The following PPP4R3B variants were observed in gnomAD, a reference collection of about 807,000 sequenced individuals.
PPP4R3B encodes the protein serine/threonine-protein phosphatase 4 regulatory subunit 3B.
In PPP4R3B, 52 loss-of-function variants were observed where a neutral mutation model predicts 95.4. That is an observed-to-expected ratio of 0.54 (90% CI 0.44 to 0.69). The LOEUF (loss-of-function observed/expected upper bound fraction) is 0.69. Ranked by LOEUF, PPP4R3B falls within the 30% of genes least tolerant of loss-of-function variation. PPP4R3B has a pLI of 0.00. For missense variants in PPP4R3B, 1,003 were observed against 1,005.9 expected (o/e 1.00, Z 0.04); for synonymous variants, 407 against 343.9 (o/e 1.18, Z -2.03).
chr2:55,586,337 T>A (rs910785079), intron 6 of PPP4R3B, among the ~76,000 whole-genome samples: 4 of 152,198 alleles, frequency 2.6e-5, no homozygotes, highest in African/African-American at 9.6e-5. Flanking sequence ...AAAGATATTT[T>A]ACTGGCTTCT....
chr2:55,602,648 C>T (rs1692788550), intron 3 of PPP4R3B, among the ~76,000 whole-genome samples: 1 of 152,208 alleles, frequency 6.6e-6, no homozygotes, highest in African/African-American at 2.4e-5. Context: ...GTTGGCAATA[C>T]TGAATGTATG....
chr2:55,601,614 T>A (rs990475303), intron 3 of PPP4R3B, among the ~76,000 whole-genome samples: 1 of 152,106 alleles, frequency 6.6e-6, no homozygotes, highest in East Asian at 1.9e-4. Flanking sequence ...TTTCCTGACC[T>A]TGTGATCCTC....
At chr2:55,557,973 A>G (rs569321833) in intron 16 of PPP4R3B, among the ~76,000 whole-genome samples, 7 of 152,188 alleles carry the variant, frequency 4.6e-5, no homozygotes, top group Non-Finnish European at 1.0e-4. Context: ...ATATAATCCA[A>G]TTTGCAGAGA....
intron 4 of PPP4R3B, among the ~76,000 whole-genome samples, chr2:55,595,026 CTT>C (rs201263689): frequency 3.6e-4 from 49 of 134,454 alleles, no homozygotes; most frequent in African/African-American, 8.4e-4. Context: ...CCCTTTTAAA[CTT>C]TTTTTTTTTT....
chr2:55,587,597 A>G (rs1464041146), intron 5 of PPP4R3B, among the ~76,000 whole-genome samples: 2 of 152,214 alleles, frequency 1.3e-5, no homozygotes, highest in African/African-American at 4.8e-5. Context: ...AAGAAAAAAT[A>G]AAAAACGATG....
chr2:55,549,371 T>C lies in PPP4R3B; in HGVS notation c.*540A>G. 1 of 153,266 alleles carries C rather than the reference T, an allele frequency of 6.5e-6. No individual in the cohort carries two copies. Among genetic ancestry groups the C allele is most frequent in the Non-Finnish European group, 1.5e-5 (1 of 68,402 alleles). The allele number at this position is 153,266 out of a possible 1,614,324, so 9.5% of individuals were successfully genotyped here. On this transcript the variant is annotated 3_prime_UTR_variant, in exon 17 of 17. Transcript: ENST00000616407. ...ACTTCCCTTCAACTACCTAAAAGGC[T>C]GAACTTTTGTTAAATCTTAAAGAAA...
In PPP4R3B at chr2:55,586,648, C is replaced by A. The variant is rs1206289114; in HGVS notation, c.1086G>T (p.Leu362Phe). 1 of 1,607,630 alleles carries A rather than the reference C, an allele frequency of 6.2e-7. No individual in the cohort carries two copies. The highest frequency in any genetic ancestry group is 8.5e-7 in the Non-Finnish European group (1 of 1,176,812). ...RDAFFKTLAK[L>F]GILPALEIVM... ...CAATTTCAAGAGCAGGAAGAATTCC[C>A]AATTTTGCCAATGTTTTGAAAAATG... Residue 362 changes from leucine (L) to phenylalanine (F), a missense_variant, in exon 6 of 17, where the codon TTG becomes TTT. By Grantham distance (22) the Leu-to-Phe change is conservative. Coordinates refer to ENST00000616407, the MANE Select transcript of PPP4R3B (RefSeq NM_001122964.3).
chr2:55,599,560 A>C (rs1692266700), intron 3 of PPP4R3B, among the ~76,000 whole-genome samples: 1 of 152,244 alleles, frequency 6.6e-6, no homozygotes, highest in African/African-American at 2.4e-5. Context: ...AACAGCATTA[A>C]GGAGAAATCA....
At chr2:55,565,699 A>T (rs1687203402) in intron 13 of PPP4R3B, 1 of 210,268 alleles carries the variant, frequency 4.8e-6, no homozygotes. Context: ...TCAAAATGGG[A>T]TATGGTTGTG....
Position 55,604,047 on chromosome 2 carries a change from C to T in PPP4R3B, c.228G>A (p.Glu76=). The change falls in exon 3 of 17, where the codon GAG becomes GAA. Residue 76 remains glutamate, a synonymous_variant. Coordinates refer to ENST00000616407, the MANE Select transcript of PPP4R3B (RefSeq NM_001122964.3). ...QDTLIVWSEA[E]NYDLALSFQE... ...GAAAACTCAGAGCCAAATCATAGTT[C>T]TCTGCTTCTGACCAAACAATTAATG... The T allele has an allele frequency of 6.2e-7, 1 of 1,609,128 alleles. No individual in the cohort carries two copies.
intron 7 of PPP4R3B, 107 bp downstream of exon 7, chr2:55,584,944 T>C: frequency 2.3e-6 from 2 of 867,978 alleles, no homozygotes; most frequent in Non-Finnish European, 3.5e-6. Flanking sequence ...ATCTATTATT[T>C]TGCTCCCAAG....
Position 55,585,160 on chromosome 2 carries a change from T to A in PPP4R3B, c.1124A>T (p.Asp375Val). Residue 375 changes from aspartate (D) to valine (V), a missense_variant, in exon 7 of 17, where the codon GAT becomes GTT. By Grantham distance (152) the Asp-to-Val change is radical. This residue lies in a region of PPP4R3B where 695 missense variants were observed against 686.2 expected (regional missense o/e 1.01). Coordinates refer to ENST00000616407, the MANE Select transcript of PPP4R3B (RefSeq NM_001122964.3). ...LPALEIVMGM[D>V]DLQVRSAATD... ...AGCAGCTGATCTGACTTGCAAATCA[T>A]CCATGCCCTGATAAAAGGAAAATTA... 1 of 1,598,006 alleles carries A rather than the reference T, an allele frequency of 6.3e-7. No individual in the cohort carries two copies. The highest frequency in any genetic ancestry group is 8.5e-7 in the Non-Finnish European group (1 of 1,174,812).
intron 3 of PPP4R3B, 78 bp downstream of exon 3, chr2:55,603,900 T>A: frequency 1.0e-6 from 1 of 967,552 alleles, no homozygotes; most frequent in Non-Finnish European, 1.5e-6. Flanking sequence ...CACATCCTAA[T>A]ATGTTTGAAG....
chr2:55,548,749 C>G lies in PPP4R3B; in HGVS notation c.*1162G>C, dbSNP rs895310169. On this transcript the variant is annotated 3_prime_UTR_variant, in exon 17 of 17. Transcript: ENST00000616407. Reference sequence around the variant, plus strand: ...GAGATTTTTCTCACTTCGGCATGATCTCAGATCATAGATGAGCAAACTAAC... The same window carrying G: ...GAGATTTTTCTCACTTCGGCATGATGTCAGATCATAGATGAGCAAACTAAC... The G allele has an allele frequency of 1.3e-5, 2 of 152,498 alleles. No individual in the cohort carries two copies. Among genetic ancestry groups the G allele is most frequent in the Admixed American group, 1.3e-4 (2 of 15,262 alleles). 9.4% of individuals were successfully genotyped at this position (152,498 alleles called of 1,614,324 possible). A position where few individuals can be genotyped will look rare whatever the true frequency, so the allele number is the denominator to read the frequency against.
At chr2:55,593,627 C>G (rs538759943) in intron 4 of PPP4R3B, among the ~76,000 whole-genome samples, 1 of 152,202 alleles carries the variant, frequency 6.6e-6, no homozygotes, top group Non-Finnish European at 1.5e-5. Flanking sequence ...ACTGTAGGGC[C>G]AGGTGTGGTG....
chr2:55,613,421 G>A (rs1270128337), intron 2 of PPP4R3B, among the ~76,000 whole-genome samples: 1 of 150,846 alleles, frequency 6.6e-6, no homozygotes, highest in Non-Finnish European at 1.5e-5. Flanking sequence ...ATTTAAATGT[G>A]ATTACAGAAA....
intron 2 of PPP4R3B, among the ~76,000 whole-genome samples, chr2:55,606,134 A>G (rs1190867414): frequency 2.0e-5 from 3 of 152,140 alleles, no homozygotes; most frequent in Admixed American, 2.0e-4. Context: ...CCTTCCTCAA[A>G]ATAGCTTCAC....
intron 11 of PPP4R3B, among the ~76,000 whole-genome samples, chr2:55,575,602 T>C (rs747072829): frequency 5.3e-5 from 8 of 152,078 alleles, no homozygotes; most frequent in Non-Finnish European, 1.0e-4. Context: ...TATACCACCA[T>C]GCCCAGTATA....
At chr2:55,590,656 A>T (rs767646846) in intron 4 of PPP4R3B, among the ~76,000 whole-genome samples, 25 of 152,206 alleles carry the variant, frequency 1.6e-4, no homozygotes, top group Non-Finnish European at 3.2e-4. Context: ...TTCAAAATTC[A>T]TTTTTATGAA....
Sources: gnomAD v4.1 joint callset for allele counts (sites outside exome capture counted in the v4.1 genomes callset) on GRCh38, gnomAD v4.1.1 for gene constraint, gnomAD v4.1.1 regional missense constraint, MANE v1.5 for transcripts, NCBI Gene and HGNC (gene_info 2026-07-23, HGNC 2026-07-21) for gene names.